Variants in PTPRS observed in about 807,000 individuals in gnomAD.
PTPRS encodes the protein receptor-type tyrosine-protein phosphatase S.
In PTPRS, 63 loss-of-function variants were observed where a neutral mutation model predicts 215.3. That is an observed-to-expected ratio of 0.29 (90% confidence interval 0.24 to 0.36). The LOEUF is 0.36. PTPRS is among the 10% of genes least tolerant of loss of function. PTPRS has a pLI of 1.00. For missense variants in PTPRS, 2,258 were observed against 2,825.8 expected, an observed-to-expected ratio of 0.80 and a Z score of 4.56; for synonymous variants, 1,404 against 1,191.4, an observed-to-expected ratio of 1.18 and a Z score of -3.68.
chr19:5,231,292 C>T lies in PTPRS; in HGVS notation c.2155+18G>A, dbSNP rs778533112. 1.3e-6 allele frequency: 2 copies of T among 1,585,950 alleles called. No individual in the cohort carries two copies. The highest frequency in any genetic ancestry group is 1.7e-6 in the Non-Finnish European group (2 of 1,168,636). The stretch of plus-strand genomic sequence containing the variant: ...GCTGGGGCCTGCGGGGGGTCCCGGG[C>T]CTGGGGCAGGTACTTACCATCCTCG... On this transcript the variant is annotated intron_variant, in intron 14 of 37. Transcript: ENST00000262963.
chr19:5,278,928 T>G (rs77211738), intron 2 of PTPRS, among the ~76,000 whole-genome samples: 3,299 of 152,038 alleles, frequency 0.022, 107 homozygotes, highest in East Asian at 0.15. Flanking sequence ...TGGTGGCTCA[T>G]ACCTGTAATC....
rs952776194 is a variant in PTPRS at position 5,222,744 on chromosome 19, C to T, written c.3048G>A (p.Arg1016=). The T allele has an allele frequency of 1.9e-6, 3 of 1,598,282 alleles. No individual in the cohort carries two copies. Among genetic ancestry groups the T allele is most frequent in the Middle Eastern group, 3.3e-4 (2 of 6,026 alleles). Residue 1016 remains arginine (R), a synonymous_variant, in exon 18 of 38, where the codon CGG becomes CGA. Coordinates refer to ENST00000262963, the MANE Select transcript of PTPRS (RefSeq NM_002850.4). ...CGGGGGGGCTGAAGGGGCCAGGGCC[C>T]CGGCGCGTGTGGGCTCGCACTTGGA... ...YDLQVRAHTR[R]GPGPFSPPVR...
intron 1 of PTPRS, among the ~76,000 whole-genome samples, chr19:5,337,732 T>A (rs553963562): frequency 1.9e-4 from 29 of 152,224 alleles, no homozygotes; most frequent in African/African-American, 7.0e-4. Flanking sequence ...CCCACCCAGA[T>A]GCTACCACGA....
chr19:5,231,388 G>C lies in PTPRS; in HGVS notation c.2077C>G (p.Arg693Gly). ...TCTGTGTGAGCGACAGTCGTGATGCGGTACTGGGTCCACTTCTCCAAGGCC... is the reference window on the plus strand; with the variant it reads ...TCTGTGTGAGCGACAGTCGTGATGCCGTACTGGGTCCACTTCTCCAAGGCC... ...LEALEKWTQY[R>G]ITTVAHTEVG... The change falls in exon 14 of 38, where the codon CGC (arginine) becomes GGC (glycine). Residue 693 changes from arginine (R) to glycine (G), a missense_variant. By Grantham distance (125) the Arg-to-Gly change is moderately radical. Transcript: ENST00000262963. The C allele has an allele frequency of 1.2e-6, 2 of 1,613,056 alleles. No individual in the cohort carries two copies. The highest frequency in any genetic ancestry group is 1.1e-5 in the South Asian group (1 of 91,066).
Position 5,240,313 on chromosome 19 carries a change from G to A in PTPRS, c.1590C>T (p.Asn530=). Residue 530 remains asparagine (N), a synonymous_variant, in exon 12 of 38, where the codon AAC becomes AAT. Coordinates refer to ENST00000262963, the MANE Select transcript of PTPRS (RefSeq NM_002850.4). ...TQQGVPGQPM[N]LRAEARSETS... ...TCTCCGACCTGGCCTCGGCCCGCAG[G>A]TTCATGGGCTGGCCCGGCACTGTGG... is the stretch of plus-strand genomic sequence containing the variant. 1.9e-6 allele frequency: 3 copies of A among 1,603,532 alleles called. No individual in the cohort carries two copies. Among genetic ancestry groups the A allele is most frequent in the Non-Finnish European group, 2.6e-6 (3 of 1,176,044 alleles).
intron 9 of PTPRS, among the ~76,000 whole-genome samples, chr19:5,246,600 A>G (rs1267164372): frequency 2.0e-5 from 3 of 152,118 alleles, no homozygotes; most frequent in Non-Finnish European, 4.4e-5. Context: ...AGAGGGGGCA[A>G]CTTCCAACCC....
chr19:5,286,002 AG>A (rs2048322298), intron 2 of PTPRS, 47 bp downstream of exon 2: 1 of 1,556,830 alleles, frequency 6.4e-7, no homozygotes, highest in South Asian at 1.1e-5. Context: ...AAATGCACAC[AG>A]GTAAACAAAC....
Position 5,206,301 on chromosome 19 carries a change from A to C in PTPRS, c.*473T>G, listed in dbSNP as rs2040362911. The C allele has an allele frequency of 4.4e-6, 1 of 228,844 alleles. No individual in the cohort carries two copies. Among genetic ancestry groups the C allele is most frequent in the Non-Finnish European group, 8.7e-6 (1 of 115,560 alleles). 14.2% of individuals were successfully genotyped at this position (228,844 alleles called of 1,614,324 possible). A position where few individuals can be genotyped will look rare whatever the true frequency, so the allele number is the denominator to read the frequency against. Reference sequence around the variant, plus strand: ...CACTATTTAAAAAAAATGAAATGTCACGGGATACAGTTACACTGAGAGTTT... The same window carrying C: ...CACTATTTAAAAAAAATGAAATGTCCCGGGATACAGTTACACTGAGAGTTT... On this transcript the variant is annotated 3_prime_UTR_variant, in exon 38 of 38. Coordinates refer to ENST00000262963, the MANE Select transcript of PTPRS (RefSeq NM_002850.4).
chr19:5,228,445 A>G (rs899435761), intron 16 of PTPRS, among the ~76,000 whole-genome samples: 6 of 151,360 alleles, frequency 4.0e-5, no homozygotes, highest in Non-Finnish European at 8.8e-5. Flanking sequence ...TCCCAGGTTC[A>G]AACGATTCTC....
At chr19:5,321,985 T>C (rs2050035756) in intron 1 of PTPRS, among the ~76,000 whole-genome samples, 1 of 152,164 alleles carries the variant, frequency 6.6e-6, no homozygotes, top group Non-Finnish European at 1.5e-5. Context: ...CTCAGAGAAA[T>C]TTAACCATTT....
At chr19:5,249,963 C>CT (rs1469445454) in intron 9 of PTPRS, among the ~76,000 whole-genome samples, 2 of 152,110 alleles carry the variant, frequency 1.3e-5, no homozygotes, top group African/African-American at 2.4e-5. Flanking sequence ...GTACCTTTAA[C>CT]TTTTTTTAGA....
At chr19:5,235,220 A>G (rs1263616587) in intron 13 of PTPRS, among the ~76,000 whole-genome samples, 1 of 152,026 alleles carries the variant, frequency 6.6e-6, no homozygotes, top group African/African-American at 2.4e-5. Context: ...GATTACAGGC[A>G]TGAGCCGCCG....
At chr19:5,302,600 G>A (rs1250186446) in intron 1 of PTPRS, among the ~76,000 whole-genome samples, 1 of 152,194 alleles carries the variant, frequency 6.6e-6, no homozygotes, top group African/African-American at 2.4e-5. Flanking sequence ...ATTGGCAGGT[G>A]TTAGTGTCTG....
chr19:5,283,093 T>C (rs1191957542), intron 2 of PTPRS, among the ~76,000 whole-genome samples: 3 of 152,238 alleles, frequency 2.0e-5, no homozygotes, highest in East Asian at 3.9e-4. Flanking sequence ...GCCCCATCTC[T>C]GTTTTTCCAT....
At chr19:5,246,435 T>C (rs542912085) in intron 9 of PTPRS, among the ~76,000 whole-genome samples, 1 of 152,292 alleles carries the variant, frequency 6.6e-6, no homozygotes, top group South Asian at 2.1e-4. Context: ...ACAGCACAGA[T>C]ACGAACACAA....
At chr19:5,318,830 A>T (rs973174960) in intron 1 of PTPRS, among the ~76,000 whole-genome samples, 4 of 150,692 alleles carry the variant, frequency 2.7e-5, no homozygotes, top group Admixed American at 1.3e-4. Flanking sequence ...TGTTATTTTT[A>T]AAAAAGTTTT....
At chr19:5,311,235 C>G (rs1391335419) in intron 1 of PTPRS, among the ~76,000 whole-genome samples, 3 of 152,184 alleles carry the variant, frequency 2.0e-5, no homozygotes, top group Non-Finnish European at 4.4e-5. Context: ...GTCTCGAACT[C>G]CTGACCTCAG....
At chr19:5,318,488 C>T (rs572417536) in intron 1 of PTPRS, among the ~76,000 whole-genome samples, 11 of 152,242 alleles carry the variant, frequency 7.2e-5, no homozygotes, top group South Asian at 4.2e-4. Context: ...GCAGGTGACT[C>T]GACTCTCTAG....
At chr19:5,258,665 T>C (rs957811445) in intron 7 of PTPRS, among the ~76,000 whole-genome samples, 4 of 152,168 alleles carry the variant, frequency 2.6e-5, no homozygotes, top group Non-Finnish European at 4.4e-5. Context: ...GTCCTCAAAG[T>C]CCTCAACGCC....
Sources: allele counts gnomAD v4.1 joint callset (sites outside exome capture counted in the v4.1 genomes callset), GRCh38; gene constraint gnomAD v4.1.1; transcripts MANE v1.5; gene names NCBI Gene and HGNC (gene_info 2026-07-23, HGNC 2026-07-21).